The following VSIG1 variants were observed in gnomAD, a reference collection of about 807,000 sequenced individuals.
VSIG1 encodes V-set and immunoglobulin domain-containing protein 1.
A neutral mutation model predicts 20.1 loss-of-function variants in VSIG1; 11 were observed. The observed-to-expected ratio is 0.55, with a 90% confidence interval of 0.34 to 0.91. The LOEUF is 0.91. VSIG1 is among the 40% of genes least tolerant of loss of function. The pLI, the probability that VSIG1 is intolerant of heterozygous loss-of-function variation, is 0.02. For synonymous variants in VSIG1, 126 were observed against 116.7 expected (o/e 1.08, Z -0.52); for missense variants, 283 against 298.8 (o/e 0.95, Z 0.39).
the VSIG1 span, among the ~76,000 whole-genome samples, chrX:108,019,097 G>A: frequency 8.0e-5 from 9 of 112,066 alleles, no homozygotes; most frequent in Non-Finnish European, 5.6e-5. Context: ...GGGCAATGTC[G>A]GTACCAGTGG....
At chrX:108,063,195 C>A (rs1300710140) in intron 2 of VSIG1, among the ~76,000 whole-genome samples, 4 of 111,563 alleles carry the variant, frequency 3.6e-5, no homozygotes, top group African/African-American at 1.3e-4. Context: ...TAAATAGCAA[C>A]AATTGGCAGG....
At position 108,047,961 on chromosome X, in the gene VSIG1, C is replaced by CATATAT. The variant is rs1172282311; in HGVS notation, c.49+2818_49+2823dup. On this transcript the variant is annotated intron_variant, in intron 1 of 6. Coordinates refer to ENST00000217957, the MANE Select transcript of VSIG1 (RefSeq NM_182607.5). ...ACATATATATATATATATACACACA[C>CATATAT]ATATATATATATATATATATATATA... 1.2e-3 allele frequency among the ~76,000 whole-genome samples: 23 copies of CATATAT among 19,939 alleles called. 3 individuals carry two copies. Among genetic ancestry groups the CATATAT allele is most frequent in the South Asian group, 2.8e-3 (1 of 363 alleles). The allele number at this position is 19,939 out of a possible 115,157, so 17.3% of individuals were successfully genotyped here.
At chrX:108,075,439 T>C (rs1354217094) in intron 5 of VSIG1, among the ~76,000 whole-genome samples, 1 of 111,569 alleles carries the variant, frequency 9.0e-6, no homozygotes, top group Non-Finnish European at 1.9e-5. Context: ...AAAGGAATTA[T>C]TATCAGGCAG....
chrX:108,040,811 A>C (rs2030467738), upstream of VSIG1, among the ~76,000 whole-genome samples: 1 of 111,576 alleles, frequency 9.0e-6, no homozygotes, highest in African/African-American at 3.3e-5. Flanking sequence ...GGAGAAAAGC[A>C]AATTATAGAA....
chrX:108,062,174 C>A (rs1370029993), intron 2 of VSIG1, among the ~76,000 whole-genome samples: 1 of 111,143 alleles, frequency 9.0e-6, no homozygotes, highest in African/African-American at 3.3e-5. Context: ...CCCACCTGTC[C>A]CTGAACAGAC....
chrX:108,031,397 A>G, the VSIG1 span, among the ~76,000 whole-genome samples: 3 of 112,131 alleles, frequency 2.7e-5, no homozygotes, highest in Admixed American at 2.8e-4. Flanking sequence ...TTTATGGAGA[A>G]AGGCTCAAAT....
the VSIG1 span, among the ~76,000 whole-genome samples, chrX:108,018,948 C>T: frequency 9.0e-6 from 1 of 111,419 alleles, no homozygotes; most frequent in Non-Finnish European, 1.9e-5. Flanking sequence ...TTCAGGGCAG[C>T]ATATGCTGGC....
At chrX:108,063,046 G>A (rs992364168) in intron 2 of VSIG1, among the ~76,000 whole-genome samples, 2 of 112,290 alleles carry the variant, frequency 1.8e-5, no homozygotes, top group African/African-American at 3.2e-5. Flanking sequence ...CCAGCTGCAC[G>A]GCCTTGTGTG....
intron 2 of VSIG1, among the ~76,000 whole-genome samples, chrX:108,062,569 C>T (rs2031049137): frequency 1.8e-5 from 2 of 112,113 alleles, no homozygotes; most frequent in East Asian, 5.6e-4. Context: ...TTGAATGGGA[C>T]CTTCCATGCC....
the VSIG1 span, among the ~76,000 whole-genome samples, chrX:108,030,224 G>C: frequency 2.7e-5 from 3 of 111,866 alleles, no homozygotes; most frequent in East Asian, 2.8e-4. Context: ...CCTACATTAT[G>C]ATCATCATCT....
rs699668 is a variant in VSIG1 at position 108,067,159 on chromosome X, T to C, written c.412+25T>C. On this transcript the variant is annotated intron_variant, in intron 3 of 6. Transcript: ENST00000217957. ...GGTATGAGCACTTTTTTCTGCTTTT[T>C]CTTTTCTTGGAAAAAGTTAGGACAC... 0.016 allele frequency: 19,612 copies of C among 1,203,188 alleles called. 2,010 individuals are homozygous for C. The African/African-American group carries it at 0.3, about 19-fold the overall frequency.
At chrX:108,052,951 A>G (rs1381262463) in intron 1 of VSIG1, among the ~76,000 whole-genome samples, 1 of 111,384 alleles carries the variant, frequency 9.0e-6, no homozygotes, top group Non-Finnish European at 1.9e-5. Flanking sequence ...AAAAACAAAT[A>G]TAAATTATAG....
At chrX:108,038,176 G>A in the VSIG1 span, among the ~76,000 whole-genome samples, 1 of 111,256 alleles carries the variant, frequency 9.0e-6, no homozygotes, top group Non-Finnish European at 1.9e-5. Context: ...GTGGTTTGCA[G>A]CACCTATCAA....
chrX:108,034,949 ATG>A, the VSIG1 span, among the ~76,000 whole-genome samples: 1 of 111,757 alleles, frequency 8.9e-6, no homozygotes, highest in Non-Finnish European at 1.9e-5. Context: ...AAACAGACAA[ATG>A]ACCAACAATA....
chrX:108,061,895 T>C (rs751146899), intron 2 of VSIG1, among the ~76,000 whole-genome samples: 1 of 110,467 alleles, frequency 9.1e-6, no homozygotes, highest in East Asian at 2.9e-4. Context: ...GACTATCCCC[T>C]TTGGAGAACA....
the VSIG1 span, among the ~76,000 whole-genome samples, chrX:108,032,498 T>C: frequency 9.0e-6 from 1 of 111,572 alleles, no homozygotes; most frequent in Non-Finnish European, 1.9e-5. Context: ...GTATGTACTG[T>C]AATGTAACAT....
intron 1 of VSIG1, among the ~76,000 whole-genome samples, chrX:108,057,064 A>T (rs887622414): frequency 1.8e-5 from 2 of 112,414 alleles, no homozygotes; most frequent in African/African-American, 6.5e-5. Context: ...TCAATAAAAA[A>T]CAACAAACTA....
rs746010371 is a variant in VSIG1, at chrX:108,069,796, C to T, written c.412+2662C>T. 3.6e-5 allele frequency among the ~76,000 whole-genome samples: 4 copies of T among 111,541 alleles called. No homozygotes were observed. The South Asian group carries it at 1.5e-3, about 42-fold the overall frequency. On this transcript the variant is annotated intron_variant, in intron 3 of 6. Transcript: ENST00000217957. Reference sequence around the variant, plus strand: ...TTCAGTCTAGTGAAGGAGACAGACGCGTAACATAAAAGCTTTCAGTGGAGG... The same window carrying T: ...TTCAGTCTAGTGAAGGAGACAGACGTGTAACATAAAAGCTTTCAGTGGAGG...
upstream of VSIG1, among the ~76,000 whole-genome samples, chrX:108,043,498 A>G (rs944638606): frequency 1.8e-5 from 2 of 112,382 alleles, no homozygotes; most frequent in African/African-American, 6.5e-5. Context: ...GGTCAGCTGT[A>G]GGATATTGGC....
Sources: gnomAD v4.1 joint callset for allele counts (sites outside exome capture counted in the v4.1 genomes callset) on GRCh38, gnomAD v4.1.1 for gene constraint, MANE v1.5 for transcripts, NCBI Gene and HGNC (gene_info 2026-07-23, HGNC 2026-07-21) for gene names.